Variants in ESRP1 observed in about 807,000 individuals in gnomAD.
ESRP1 encodes epithelial splicing regulatory protein 1, also known as RNA-binding motif protein 35A.
Under a neutral mutation model 81.7 loss-of-function variants are expected in ESRP1, and 33 were observed. The ratio of observed to expected loss-of-function variants is 0.40; its 90% CI spans 0.31 to 0.54. ESRP1 has a LOEUF of 0.54. ESRP1 is among the 20% of genes least tolerant of loss of function. ESRP1 has a pLI of 0.41. For synonymous variants in ESRP1, 320 were observed against 303.3 expected, an observed-to-expected ratio of 1.06 and a Z score of -0.57; for missense variants, 672 against 833.1, an observed-to-expected ratio of 0.81 and a Z score of 2.38.
At chr8:94,703,130 C>T (rs1275990406) in intron 15 of ESRP1, among the ~76,000 whole-genome samples, 2 of 99,452 alleles carry the variant, frequency 2.0e-5, no homozygotes. Context: ...TTTTTGCTAG[C>T]AGTTAGGAGT....
At chr8:94,648,788 A>G (rs1817966650) in intron 4 of ESRP1, among the ~76,000 whole-genome samples, 1 of 152,240 alleles carries the variant, frequency 6.6e-6, no homozygotes, top group African/African-American at 2.4e-5. Context: ...GTCGTGAAAT[A>G]CTTGTATCCT....
chr8:94,650,951 C>T (rs148068172), intron 4 of ESRP1, among the ~76,000 whole-genome samples: 2,376 of 152,186 alleles, frequency 0.016, 74 homozygotes, highest in African/African-American at 0.054. Flanking sequence ...GTGATCCGCC[C>T]GCCTTGGCCT....
chr8:94,706,120 A>T lies in ESRP1; in HGVS notation c.*231A>T, dbSNP rs1810063429. 4 of 598,914 alleles carry T rather than the reference A, an allele frequency of 6.7e-6. No homozygotes were observed. 37.1% of individuals were successfully genotyped at this position (598,914 alleles called of 1,614,324 possible). A position where few individuals can be genotyped will look rare whatever the true frequency, so the allele number is the denominator to read the frequency against. ...CAAATCGTAACTTACAGCAAGCAGCATGCAGCATACCTGGCTCTTTGCTGA... is the reference window on the plus strand; with the variant it reads ...CAAATCGTAACTTACAGCAAGCAGCTTGCAGCATACCTGGCTCTTTGCTGA... On this transcript the variant is annotated 3_prime_UTR_variant, in exon 16 of 16. Transcript: ENST00000433389.
intron 4 of ESRP1, among the ~76,000 whole-genome samples, chr8:94,651,594 T>C (rs10089502): frequency 0.16 from 24,965 of 151,998 alleles, 2,261 homozygotes; most frequent in African/African-American, 0.24. Context: ...TAGGACCATT[T>C]TGATGACAAA....
intron 11 of ESRP1, 78 bp downstream of exon 11, chr8:94,671,749 TAATC>T: frequency 7.4e-6 from 7 of 942,012 alleles, no homozygotes; most frequent in Non-Finnish European, 1.1e-5. Context: ...AGATATTAGA[TAATC>T]TATTAGAAAT....
intron 4 of ESRP1, among the ~76,000 whole-genome samples, chr8:94,647,603 C>A (rs1817914060): frequency 1.3e-5 from 2 of 152,136 alleles, no homozygotes; most frequent in African/African-American, 4.8e-5. Flanking sequence ...TCTAATTAGA[C>A]CCCTCCACCC....
chr8:94,674,919 T>C (rs1346377398), intron 12 of ESRP1, among the ~76,000 whole-genome samples: 5 of 152,326 alleles, frequency 3.3e-5, no homozygotes, highest in African/African-American at 1.2e-4. Context: ...TTGATGCACA[T>C]GTTGCATTTA....
chr8:94,645,225 A>G (rs1216730478), intron 3 of ESRP1, among the ~76,000 whole-genome samples: 1 of 152,166 alleles, frequency 6.6e-6, no homozygotes, highest in East Asian at 1.9e-4. Context: ...ATCTAGTAAA[A>G]TCCAATAGAA....
At chr8:94,702,547 C>T (rs949483805) in intron 15 of ESRP1, among the ~76,000 whole-genome samples, 3 of 151,908 alleles carry the variant, frequency 2.0e-5, no homozygotes, top group African/African-American at 7.3e-5. Context: ...TTATTTTTTC[C>T]ATTTAGATAA....
At chr8:94,690,109 T>C (rs2130707963) in intron 13 of ESRP1, among the ~76,000 whole-genome samples, 1 of 143,274 alleles carries the variant, frequency 7.0e-6, no homozygotes, top group African/African-American at 2.5e-5. Flanking sequence ...TGAGCCACCG[T>C]GCCCGGCCTA....
chr8:94,665,069 C>G lies in ESRP1; in HGVS notation c.888+10C>G, dbSNP rs1818950629. 2 of 1,613,730 alleles carry G rather than the reference C, an allele frequency of 1.2e-6. No individual in the cohort carries two copies. Among genetic ancestry groups the G allele is most frequent in the South Asian group, 2.2e-5 (2 of 91,052 alleles). On this transcript the variant is annotated intron_variant, in intron 8 of 15. Coordinates refer to ENST00000433389, the MANE Select transcript of ESRP1 (RefSeq NM_017697.4). The stretch of plus-strand genomic sequence containing the variant: ...GACCCGGTATATTGAGGTATGTCCT[C>G]AAAACCTGAACCCCTGGACATCGTG...
intron 4 of ESRP1, among the ~76,000 whole-genome samples, chr8:94,659,136 C>T (rs1485564800): frequency 1.3e-5 from 2 of 152,070 alleles, no homozygotes; most frequent in African/African-American, 2.4e-5. Flanking sequence ...CCACCTCGGC[C>T]TCCCAAAGTG....
chr8:94,677,475 T>C (rs750080656), intron 12 of ESRP1, among the ~76,000 whole-genome samples: 60 of 152,234 alleles, frequency 3.9e-4, no homozygotes, highest in Non-Finnish European at 7.5e-4. Context: ...GACAATGCAG[T>C]TGGGGCCCAT....
intron 9 of ESRP1, among the ~76,000 whole-genome samples, chr8:94,667,655 C>A (rs1377711459): frequency 6.6e-6 from 1 of 152,158 alleles, no homozygotes; most frequent in Non-Finnish European, 1.5e-5. Flanking sequence ...AGATTGGACC[C>A]AGGCATTCTG....
In ESRP1 at chr8:94,665,167, C is replaced by G; in HGVS notation, c.902C>G (p.Thr301Arg). The change falls in exon 9 of 16, where the codon ACA (threonine) becomes AGA (arginine). Residue 301 changes from threonine to arginine, a missense_variant. Coordinates refer to ENST00000433389, the MANE Select transcript of ESRP1 (RefSeq NM_017697.4). ...GTRYIEVYKA[T>R]GEDFLKIAGG... The stretch of plus-strand genomic sequence containing the variant: ...GTCTTTTCTCAGGTTTACAAAGCAA[C>G]AGGTGAAGATTTCCTTAAAATTGCT... The G allele has an allele frequency of 6.2e-7, 1 of 1,613,452 alleles. No homozygotes were observed. The highest frequency in any genetic ancestry group is 1.1e-5 in the South Asian group (1 of 90,896).
At chr8:94,683,477 T>G (rs771641187) in intron 13 of ESRP1, among the ~76,000 whole-genome samples, 5 of 152,204 alleles carry the variant, frequency 3.3e-5, no homozygotes, top group Non-Finnish European at 7.3e-5. Flanking sequence ...TACATGGAGA[T>G]CCCTTGTACA....
At chr8:94,702,923 T>C (rs958364063) in intron 15 of ESRP1, among the ~76,000 whole-genome samples, 4 of 152,204 alleles carry the variant, frequency 2.6e-5, no homozygotes, top group African/African-American at 9.7e-5. Context: ...GAAATCCAGA[T>C]ATCTTTAAAG....
intron 14 of ESRP1, among the ~76,000 whole-genome samples, chr8:94,694,530 G>A (rs766535223): frequency 6.6e-6 from 1 of 152,200 alleles, no homozygotes; most frequent in Non-Finnish European, 1.5e-5. Context: ...CTTCAACCCA[G>A]GAGGCTGAGG....
intron 9 of ESRP1, among the ~76,000 whole-genome samples, chr8:94,667,582 CAAGAA>C (rs1819095378): frequency 6.6e-6 from 1 of 152,076 alleles, no homozygotes; most frequent in Admixed American, 6.5e-5. Flanking sequence ...ATCTTACAGA[CAAGAA>C]AAGTAAGGCA....
Sources: allele counts gnomAD v4.1 joint callset (sites outside exome capture counted in the v4.1 genomes callset), GRCh38; gene constraint gnomAD v4.1.1; transcripts MANE v1.5; gene names NCBI Gene and HGNC (gene_info 2026-07-23, HGNC 2026-07-21).